Variants in MBP observed in about 807,000 individuals in gnomAD.
The protein encoded by MBP is myelin basic protein, also known as Golli-MBP.
In MBP, 16 loss-of-function variants were observed where a neutral mutation model predicts 35.8. That is an observed-to-expected ratio of 0.45 (90% CI 0.30 to 0.68). The LOEUF (loss-of-function observed/expected upper bound fraction) is 0.68. Ranked by LOEUF, MBP falls within the 30% of genes least tolerant of loss-of-function variation. MBP has a pLI of 0.08. For synonymous variants in MBP, 143 were observed against 159.6 expected (o/e 0.90, Z 0.78); for missense variants, 380 against 404.7 (o/e 0.94, Z 0.52).
At chr18:77,013,050 T>C in intron 4 of MBP, 1 of 985,400 alleles carries the variant, frequency 1.0e-6, no homozygotes, top group Non-Finnish European at 1.2e-6. Context: ...AAGGACACAG[T>C]GAGCAGCTGG....
At chr18:77,000,251 GT>G (rs976349129) in intron 4 of MBP, among the ~76,000 whole-genome samples, 1 of 152,128 alleles carries the variant, frequency 6.6e-6, no homozygotes, top group African/African-American at 2.4e-5. Flanking sequence ...GATGACCCTG[GT>G]TTACACTTTG....
At chr18:77,062,469 G>GT (rs1974020167) in intron 3 of MBP, among the ~76,000 whole-genome samples, 2 of 150,470 alleles carry the variant, frequency 1.3e-5, no homozygotes, top group South Asian at 4.2e-4. Flanking sequence ...TCCTCCTTTT[G>GT]TAACTAGGCA....
chr18:77,002,198 G>A lies in MBP; in HGVS notation c.577-12138C>T, dbSNP rs566824573. On this transcript the variant is annotated intron_variant, in intron 4 of 8. Transcript: ENST00000355994. ...CCTGGAATGGTGCGTTCTCATGGAG[G>A]CAACCACGGCAGGGTCCCATGCACC... Among the ~76,000 whole-genome samples the A allele has an allele frequency of 7.9e-5, 12 of 152,252 alleles. No individual in the cohort carries two copies. The East Asian group carries it at 1.7e-3, about 22-fold the overall frequency.
rs187095163 is a variant in MBP at position 77,114,963 on chromosome 18, C to T, written c.-25-9677G>A. ...CCCTGTCTGCTCTGAGGATGTGGGC[C>T]CTGACCTCCTTATCTGTAAAGCCCT... On this transcript the variant is annotated intron_variant, in intron 1 of 8. Transcript: ENST00000355994. 12 of 152,544 alleles carry T rather than the reference C, an allele frequency of 7.9e-5. No homozygotes were observed. In the East Asian group the frequency reaches 2.3e-3, roughly 29 times the overall value. 9.4% of individuals were successfully genotyped at this position (152,544 alleles called of 1,614,324 possible).
At chr18:77,084,719 TAGG>T (rs767764165) in intron 2 of MBP, among the ~76,000 whole-genome samples, 4 of 152,194 alleles carry the variant, frequency 2.6e-5, no homozygotes, top group Non-Finnish European at 5.9e-5. Context: ...GTTTGTTATC[TAGG>T]TTGACAATAC....
chr18:77,012,973 C>G lies in MBP; in HGVS notation c.576+3859G>C, dbSNP rs1055900269. The G allele has an allele frequency of 4.1e-6, 4 of 985,288 alleles. No individual in the cohort carries two copies. The African/African-American group carries it at 5.2e-5, about 13-fold the overall frequency. 61.0% of individuals were successfully genotyped at this position (985,288 alleles called of 1,614,324 possible). On this transcript the variant is annotated intron_variant, in intron 4 of 8. Transcript: ENST00000355994. ...GTTGCAAAATCACTGCCAGTACAGA[C>G]ACATCCAGTCTAATTAACTATCGTC...
chr18:77,001,989 T>G (rs1970665312), intron 4 of MBP, among the ~76,000 whole-genome samples: 1 of 152,222 alleles, frequency 6.6e-6, no homozygotes, highest in Admixed American at 6.5e-5. Context: ...TCCTTTCAGA[T>G]CACACATATT....
intron 3 of MBP, among the ~76,000 whole-genome samples, chr18:77,027,523 C>T (rs1176632374): frequency 2.0e-5 from 3 of 152,162 alleles, no homozygotes; most frequent in South Asian, 4.1e-4. Flanking sequence ...CCCAGCTCCC[C>T]GCCCTCGGCA....
chr18:76,997,899 G>A (rs1377192982), intron 4 of MBP, among the ~76,000 whole-genome samples: 2 of 151,922 alleles, frequency 1.3e-5, no homozygotes, highest in East Asian at 1.9e-4. Flanking sequence ...AGCCAGGATG[G>A]TCTCGATCTC....
At chr18:77,010,139 T>A in intron 4 of MBP, 1 of 578,016 alleles carries the variant, frequency 1.7e-6, no homozygotes, top group Admixed American at 3.1e-5. Context: ...TGATGGGAGG[T>A]CAGAGGGCAG....
rs201498470 is a variant in MBP, at chr18:77,091,805, ACAC to A, written c.51+13403_51+13405del. On this transcript the variant is annotated intron_variant, in intron 2 of 8. Coordinates refer to ENST00000355994, the MANE Select transcript of MBP (RefSeq NM_001025101.2). ...CACACACATCCTCATACATGTATACACACCACAGACACACACCCGCACATGTAT... is the reference window on the plus strand; with the variant it reads ...CACACACATCCTCATACATGTATACACACAGACACACACCCGCACATGTAT... Among the ~76,000 whole-genome samples, 78 of 152,152 alleles carry A rather than the reference ACAC, an allele frequency of 5.1e-4. 1 individual carries two copies. The East Asian group carries it at 0.012, about 24-fold the overall frequency.
At chr18:77,000,133 C>T (rs1970551711) in intron 4 of MBP, among the ~76,000 whole-genome samples, 1 of 152,114 alleles carries the variant, frequency 6.6e-6, no homozygotes, top group Non-Finnish European at 1.5e-5. Context: ...TAAAAAAAGA[C>T]CTGATTTTTA....
chr18:77,036,438 G>A (rs1308506671), intron 3 of MBP, among the ~76,000 whole-genome samples: 1 of 131,414 alleles, frequency 7.6e-6, no homozygotes, highest in Non-Finnish European at 1.6e-5. Flanking sequence ...GTCACATTTT[G>A]GAGGACTGAG....
rs769342362 is a variant in MBP, at chr18:76,988,434, T to G, written c.750+61A>C. 5.8e-5 allele frequency: 94 copies of G among 1,614,032 alleles called. 2 individuals carry two copies. In the South Asian group the frequency reaches 1.0e-3, roughly 17 times the overall value. On this transcript the variant is annotated intron_variant, in intron 7 of 8. Transcript: ENST00000355994. The surrounding 1 kb of genome is among the most constrained non-coding windows in gnomAD (Gnocchi z 5.2). ...ACCGAAACAGAGCAGAACACAAAAG[T>G]TGCGGGGCTGTGAGGACTGGGACGG... is the stretch of plus-strand genomic sequence containing the variant.
rs748030999 is a variant in MBP at position 77,017,196 on chromosome 18, G to A, written c.212C>T (p.Ala71Val). Residue 71 changes from alanine (A) to valine (V), a missense_variant, in exon 4 of 9, where the codon GCG (alanine) becomes GTG (valine). By Grantham distance (64) the Ala-to-Val change is moderately conservative (BLOSUM62 0). Transcript: ENST00000355994. ...DTAVTDSKRT[A>V]DPKNAWQDAH... Reference sequence around the variant, plus strand: ...ATCCTGCCAGGCATTCTTCGGGTCCGCTGTGCGCTTGGAGTCAGTCACCGC... The same window carrying A: ...ATCCTGCCAGGCATTCTTCGGGTCCACTGTGCGCTTGGAGTCAGTCACCGC... 9 of 1,534,422 alleles carry A rather than the reference G, an allele frequency of 5.9e-6. No individual in the cohort carries two copies. The highest frequency in any genetic ancestry group is 1.4e-5 in the African/African-American group (1 of 72,188).
intron 4 of MBP, among the ~76,000 whole-genome samples, chr18:76,993,123 C>G (rs144528200): frequency 1.2e-3 from 177 of 152,340 alleles, no homozygotes; most frequent in African/African-American, 4.2e-3. Flanking sequence ...GCTGCTTGTC[C>G]TTCTCTGCAC....
At chr18:76,982,962 G>T (rs1187450058) in intron 8 of MBP, 9 of 152,166 alleles carry the variant, frequency 5.9e-5, no homozygotes. Flanking sequence ...CTTATTTCAG[G>T]AAACACATGT....
At chr18:76,984,674 C>T (rs568590010) in intron 8 of MBP, 101 bp downstream of exon 8, 28 of 1,523,886 alleles carry the variant, frequency 1.8e-5, no homozygotes, top group Admixed American at 3.4e-5. Flanking sequence ...GGGTACAGTG[C>T]GGCTGAGCCA....
intron 3 of MBP, among the ~76,000 whole-genome samples, chr18:77,052,646 A>G (rs946065582): frequency 2.0e-5 from 3 of 152,158 alleles, no homozygotes; most frequent in Non-Finnish European, 2.9e-5. Flanking sequence ...GTTTGTGCTC[A>G]CTGTATATCC....
Sources: allele counts gnomAD v4.1 joint callset (sites outside exome capture counted in the v4.1 genomes callset), GRCh38; gene constraint gnomAD v4.1.1; non-coding constraint Gnocchi (gnomAD v3.1); transcripts MANE v1.5; gene names NCBI Gene and HGNC (gene_info 2026-07-23, HGNC 2026-07-21).